Variants in NEDD1 observed in about 807,000 individuals in gnomAD.
NEDD1 encodes the protein protein NEDD1.
In NEDD1, 33 loss-of-function variants were observed where a neutral mutation model predicts 74.0. That is an observed-to-expected ratio of 0.45 (90% CI 0.34 to 0.60). The LOEUF (loss-of-function observed/expected upper bound fraction) is 0.60, where lower values mean the gene tolerates loss of function less well. NEDD1 is among the 20% of genes least tolerant of loss of function. NEDD1 has a pLI of 0.01. For missense variants in NEDD1, 746 were observed against 776.5 expected (o/e 0.96, Z 0.47); for synonymous variants, 250 against 264.4 (o/e 0.95, Z 0.53).
intron 14 of NEDD1, among the ~76,000 whole-genome samples, chr12:96,947,833 A>G (rs1348331571): frequency 6.6e-6 from 1 of 152,178 alleles, no homozygotes; most frequent in Admixed American, 6.5e-5. Flanking sequence ...CGTTTGGTGA[A>G]GACGTACAGT....
chr12:96,908,429 A>C (rs1045562743), intron 2 of NEDD1, among the ~76,000 whole-genome samples: 7 of 152,136 alleles, frequency 4.6e-5, no homozygotes, highest in African/African-American at 1.7e-4. Flanking sequence ...AAGGTGTGGG[A>C]GGTATAATTC....
In NEDD1 at chr12:96,937,384, G is replaced by A. The variant is rs1490157481; in HGVS notation, c.1108G>A (p.Glu370Lys). ...AMGKGTVAVQ[E>K]KAGLPRSINT... The stretch of plus-strand genomic sequence containing the variant: ...GGGGAAAGGAACAGTTGCTGTTCAA[G>A]AAAAAGCAGGTAAATGTTGCTTATA... Residue 370 changes from glutamate to lysine, a missense_variant, in exon 9 of 16, where the codon GAA (glutamate) becomes AAA (lysine). Coordinates refer to ENST00000266742, the MANE Select transcript of NEDD1 (RefSeq NM_152905.4). The A allele has an allele frequency of 1.9e-6, 3 of 1,575,644 alleles. No homozygotes were observed. The highest frequency in any genetic ancestry group is 2.3e-5 in the South Asian group (2 of 85,446).
At chr12:96,928,681 CTTTT>C (rs34575410) in intron 6 of NEDD1, among the ~76,000 whole-genome samples, 6 of 87,696 alleles carry the variant, frequency 6.8e-5, no homozygotes, top group African/African-American at 2.4e-4. Context: ...TAGTGTGTTT[CTTTT>C]TTTTTTTTTT....
chr12:96,940,359 A>G (rs773574339), intron 9 of NEDD1, 50 bp from the exon 10 acceptor site: 3 of 1,182,850 alleles, frequency 2.5e-6, no homozygotes, highest in Admixed American at 4.3e-5. Context: ...GCTTATGATA[A>G]AATTTATTTA....
intron 4 of NEDD1, among the ~76,000 whole-genome samples, chr12:96,917,272 G>T (rs1320289296): frequency 6.6e-6 from 1 of 152,150 alleles, no homozygotes; most frequent in Admixed American, 6.6e-5. Context: ...AGGATATTCT[G>T]TGGAAATACA....
intron 14 of NEDD1, among the ~76,000 whole-genome samples, chr12:96,949,124 G>A (rs1463402363): frequency 1.3e-5 from 2 of 152,076 alleles, no homozygotes; most frequent in African/African-American, 2.4e-5. Context: ...GCTTCAGCTC[G>A]GTTTCTTCTC....
At position 96,945,595 on chromosome 12, in the gene NEDD1, C is replaced by T; in HGVS notation, c.1655-98C>T. On this transcript the variant is annotated intron_variant, in intron 13 of 15. Coordinates refer to ENST00000266742, the MANE Select transcript of NEDD1 (RefSeq NM_152905.4). ...ATGTCACAGGAACACTCTTCTTTGC[C>T]AGTTTTTCAAGTTTGCACATGCCAA... is the stretch of plus-strand genomic sequence containing the variant. The T allele has an allele frequency of 5.8e-6, 4 of 691,272 alleles. No homozygotes were observed. In the South Asian group the frequency reaches 6.0e-5, roughly 10 times the overall value. The allele number at this position is 691,272 out of a possible 1,614,324, so 42.8% of individuals were successfully genotyped here.
intron 6 of NEDD1, among the ~76,000 whole-genome samples, chr12:96,932,487 T>TATATATATATATATATATATAA (rs1300455459): frequency 1.3e-5 from 1 of 75,054 alleles, no homozygotes; most frequent in Admixed American, 1.8e-4. Flanking sequence ...TATATATATA[T>TATATATATATATATATATATAA]AAAATGCACA....
chr12:96,945,947 C>G, intron 14 of NEDD1, 98 bp downstream of exon 14: 1 of 725,282 alleles, frequency 1.4e-6, no homozygotes, highest in African/African-American at 1.8e-5. Flanking sequence ...TTACTATTGT[C>G]TAGGTTCTGG....
At chr12:96,929,723 G>T (rs75583789) in intron 6 of NEDD1, among the ~76,000 whole-genome samples, 1 of 151,432 alleles carries the variant, frequency 6.6e-6, no homozygotes, top group Non-Finnish European at 1.5e-5. Context: ...GTTCAGGTTT[G>T]CTTCCACTTC....
At chr12:96,935,882 C>T (rs1877034179) in intron 7 of NEDD1, among the ~76,000 whole-genome samples, 1 of 152,174 alleles carries the variant, frequency 6.6e-6, no homozygotes, top group Non-Finnish European at 1.5e-5. Context: ...AAGATGCTTA[C>T]CACTGTCTGT....
At chr12:96,918,503 T>G (rs1329034758) in intron 5 of NEDD1, among the ~76,000 whole-genome samples, 2 of 152,194 alleles carry the variant, frequency 1.3e-5, no homozygotes, top group Non-Finnish European at 2.9e-5. Context: ...CATCCCTGCA[T>G]GGCAAAATTT....
intron 6 of NEDD1, among the ~76,000 whole-genome samples, chr12:96,923,180 T>C (rs895025490): frequency 6.6e-6 from 1 of 152,182 alleles, no homozygotes; most frequent in African/African-American, 2.4e-5. Flanking sequence ...TTACATTTGC[T>C]TTGTTGCATG....
At chr12:96,932,463 A>AAAAAAAAAATATATATATATATAT in intron 6 of NEDD1, among the ~76,000 whole-genome samples, 1 of 9,438 alleles carries the variant, frequency 1.1e-4, no homozygotes, top group Non-Finnish European at 2.0e-4. Context: ...AAAAAAAAAA[A>AAAAAAAAAATATATATATATATAT]ATATATATAT....
intron 14 of NEDD1, among the ~76,000 whole-genome samples, chr12:96,950,824 G>C (rs903788743): frequency 8.6e-5 from 13 of 151,804 alleles, no homozygotes; most frequent in South Asian, 2.1e-4. Flanking sequence ...AAGTTGTGTG[G>C]TGGGTGACTG....
At chr12:96,939,588 A>G (rs964056859) in intron 9 of NEDD1, among the ~76,000 whole-genome samples, 1 of 152,010 alleles carries the variant, frequency 6.6e-6, no homozygotes, top group Non-Finnish European at 1.5e-5. Flanking sequence ...TTAAAATGTA[A>G]TACAGTAATG....
Position 96,952,547 on chromosome 12 carries a change from A to G in NEDD1, c.*494A>G, listed in dbSNP as rs1012283686. On this transcript the variant is annotated 3_prime_UTR_variant, in exon 16 of 16. Coordinates refer to ENST00000266742, the MANE Select transcript of NEDD1 (RefSeq NM_152905.4). The stretch of plus-strand genomic sequence containing the variant: ...TAAAACATAGGGTTGGCTAGTAATT[A>G]TTTTGTTAACTTGATGAAGTCAAGT... 1 of 151,866 alleles carries G rather than the reference A, an allele frequency of 6.6e-6. No individual in the cohort carries two copies. Among genetic ancestry groups the G allele is most frequent in the Non-Finnish European group, 1.5e-5 (1 of 67,792 alleles). The allele number at this position is 151,866 out of a possible 1,614,324, so 9.4% of individuals were successfully genotyped here.
At chr12:96,950,055 G>C (rs79024542) in intron 14 of NEDD1, among the ~76,000 whole-genome samples, 1,525 of 152,046 alleles carry the variant, frequency 0.01, 69 homozygotes, top group East Asian at 0.095. Flanking sequence ...GAAGGGATAA[G>C]AAGATACCTG....
intron 7 of NEDD1, 67 bp from the exon 8 acceptor site, chr12:96,936,544 A>T: frequency 9.4e-7 from 1 of 1,061,378 alleles, no homozygotes; most frequent in Non-Finnish European, 1.5e-6. Flanking sequence ...GTATATAGTT[A>T]CTTATATAAG....
Sources: gnomAD v4.1 joint callset for allele counts (sites outside exome capture counted in the v4.1 genomes callset) on GRCh38, gnomAD v4.1.1 for gene constraint, MANE v1.5 for transcripts, NCBI Gene and HGNC (gene_info 2026-07-23, HGNC 2026-07-21) for gene names.